Variants in SNX29 observed in about 807,000 individuals in gnomAD.
SNX29 encodes the protein sorting nexin 29, also known as sorting nexin-29.
Under a neutral mutation model 102.1 loss-of-function variants are expected in SNX29, and 78 were observed. The observed-to-expected ratio is 0.76, with a 90% CI of 0.64 to 0.92. SNX29 has a LOEUF of 0.92. SNX29 is among the 40% of genes least tolerant of loss of function. SNX29 has a pLI of 0.00. For synonymous variants in SNX29, 580 were observed against 414.5 expected (o/e 1.40, Z -4.85); for missense variants, 1,280 against 1,061.7 (o/e 1.21, Z -2.86).
intron 18 of SNX29, among the ~76,000 whole-genome samples, chr16:12,471,038 A>G (rs1300692985): frequency 1.3e-5 from 2 of 152,148 alleles, no homozygotes; most frequent in Non-Finnish European, 2.9e-5. Flanking sequence ...CTCCCTCCCT[A>G]TGTAGCTGTG....
intron 3 of SNX29, 124 bp from the exon 4 acceptor site, chr16:12,027,196 C>G (rs1596631320): frequency 4.2e-6 from 5 of 1,189,356 alleles, no homozygotes; most frequent in Middle Eastern, 2.5e-4. Flanking sequence ...ATCCAGGTGT[C>G]TCCTGTCTGC....
intron 18 of SNX29, among the ~76,000 whole-genome samples, chr16:12,472,365 C>A (rs953531785): frequency 1.3e-5 from 2 of 151,878 alleles, no homozygotes; most frequent in African/African-American, 4.8e-5. Flanking sequence ...TACAAAAATA[C>A]AAAAATTAGC....
intron 16 of SNX29, chr16:12,367,286 A>T (rs1465448155): frequency 6.6e-6 from 1 of 152,238 alleles, no homozygotes. Flanking sequence ...GTAATCACTC[A>T]GGGAGCATAT....
intron 14 of SNX29, among the ~76,000 whole-genome samples, chr16:12,202,701 C>A (rs1477216233): frequency 6.6e-6 from 1 of 152,258 alleles, no homozygotes; most frequent in Non-Finnish European, 1.5e-5. Flanking sequence ...CGATCCTCCT[C>A]CTCTCCTTTC....
chr16:12,232,214 A>G (rs1212334271), intron 14 of SNX29, among the ~76,000 whole-genome samples: 1 of 152,194 alleles, frequency 6.6e-6, no homozygotes, highest in African/African-American at 2.4e-5. Flanking sequence ...TTTGTAGGCC[A>G]TGTTAGTAGA....
At position 12,555,527 on chromosome 16, in the gene SNX29, G is replaced by A. The variant is rs542556115; in HGVS notation, c.2319-12979G>A. Reference sequence around the variant, plus strand: ...CAGGGATTGACTGGACAGCGCCCCTGCTCTCTGGGAGGTCATACCGTGGGT... The same window carrying A: ...CAGGGATTGACTGGACAGCGCCCCTACTCTCTGGGAGGTCATACCGTGGGT... On this transcript the variant is annotated intron_variant, in intron 20 of 20. Coordinates refer to ENST00000566228, the MANE Select transcript of SNX29 (RefSeq NM_032167.5). 8.6e-5 allele frequency among the ~76,000 whole-genome samples: 13 copies of A among 151,566 alleles called. No homozygotes were observed. In the South Asian group the frequency reaches 2.3e-3, roughly 27 times the overall value.
chr16:12,171,458 G>A (rs1010677189), intron 13 of SNX29, among the ~76,000 whole-genome samples: 3 of 152,164 alleles, frequency 2.0e-5, no homozygotes, highest in Admixed American at 2.0e-4. Flanking sequence ...AGATTCTCAC[G>A]TTTTGAGCCT....
chr16:12,243,692 TTTAGAAG>T (rs1276315356), intron 14 of SNX29, among the ~76,000 whole-genome samples: 1 of 152,152 alleles, frequency 6.6e-6, no homozygotes, highest in Non-Finnish European at 1.5e-5. Context: ...GGTCCATCCA[TTTAGAAG>T]ACATCAGAGG....
intron 18 of SNX29, chr16:12,443,097 C>T (rs1269244218): frequency 2.0e-5 from 9 of 448,208 alleles, no homozygotes; most frequent in Admixed American, 1.7e-4. Flanking sequence ...CTGGAGGGAA[C>T]AGTGTGTCAG....
chr16:12,570,340 A>T lies in SNX29; in HGVS notation c.*1711A>T. ...GTAAAGGCAACTTGGTCTCCCTCCC[A>T]CTCACCTGCCAACATTGCTGCAATA... On this transcript the variant is annotated 3_prime_UTR_variant, in exon 21 of 21. Transcript: ENST00000566228. 2.8e-6 allele frequency: 2 copies of T among 708,082 alleles called. No individual in the cohort carries two copies. The highest frequency in any genetic ancestry group is 3.6e-6 in the Non-Finnish European group (2 of 552,582). 43.9% of individuals were successfully genotyped at this position (708,082 alleles called of 1,614,324 possible).
rs1555458244 is a variant in SNX29 at position 12,557,023 on chromosome 16, C to CCCCCCT, written c.2319-11481_2319-11480insCCCTCC. ...CCACATCTGGCTAATTTACCCCCCCCCCGCCCCAAGATGAGGTCTTGCTAT... is the reference window on the plus strand; with the variant it reads ...CCACATCTGGCTAATTTACCCCCCCCCCCCCTCCGCCCCAAGATGAGGTCTTGCTAT... On this transcript the variant is annotated intron_variant, in intron 20 of 20. Coordinates refer to ENST00000566228, the MANE Select transcript of SNX29 (RefSeq NM_032167.5). Among the ~76,000 whole-genome samples, 47 of 120,902 alleles carry CCCCCCT rather than the reference C, an allele frequency of 3.9e-4. 2 individuals are homozygous for CCCCCCT. The South Asian group carries it at 3.9e-3, about 10-fold the overall frequency. 79.3% of individuals were successfully genotyped at this position (120,902 alleles called of 152,430 possible). A position where few individuals can be genotyped will look rare whatever the true frequency, so the allele number is the denominator to read the frequency against.
At position 12,524,697 on chromosome 16, in the gene SNX29, C is replaced by T. The variant is rs368293204; in HGVS notation, c.2179-5C>T. 13 of 1,612,562 alleles carry T rather than the reference C, an allele frequency of 8.1e-6. No homozygotes were observed. In the African/African-American group the frequency reaches 1.7e-4, roughly 22 times the overall value. ...CCAAAGCGAAGATGTTTTGTGTTTC[C>T]TCAGGATGCCAAGTTTGTGGAGGAA... On this transcript the variant is annotated splice_polypyrimidine_tract_variant and splice_region_variant and intron_variant, in intron 19 of 20. Transcript: ENST00000566228.
intron 18 of SNX29, among the ~76,000 whole-genome samples, chr16:12,466,333 C>G (rs1283642294): frequency 1.3e-5 from 2 of 152,178 alleles, no homozygotes; most frequent in South Asian, 2.1e-4. Flanking sequence ...AGTCAGCATA[C>G]AGAATCTGGT....
At chr16:12,340,455 C>G (rs577512231) in intron 15 of SNX29, among the ~76,000 whole-genome samples, 2 of 152,298 alleles carry the variant, frequency 1.3e-5, no homozygotes, top group Admixed American at 1.3e-4. Flanking sequence ...TCCCCAGTGT[C>G]TAGACAGTGC....
chr16:12,258,521 G>C (rs2078640848), intron 14 of SNX29, among the ~76,000 whole-genome samples: 1 of 152,080 alleles, frequency 6.6e-6, no homozygotes, highest in Admixed American at 6.6e-5. Context: ...GTTACTCCCG[G>C]AAATTCTCCT....
At chr16:12,358,729 C>G (rs1329261850) in intron 16 of SNX29, among the ~76,000 whole-genome samples, 1 of 152,244 alleles carries the variant, frequency 6.6e-6, no homozygotes, top group East Asian at 1.9e-4. Context: ...TCTCCCCACT[C>G]AGTCTGTTCG....
At chr16:12,090,841 C>A (rs922449900) in intron 11 of SNX29, among the ~76,000 whole-genome samples, 1 of 151,646 alleles carries the variant, frequency 6.6e-6, no homozygotes, top group Non-Finnish European at 1.5e-5. Flanking sequence ...ATGGTGAAAC[C>A]CTGTCTCTAC....
chr16:12,043,102 G>T (rs1317620085), intron 5 of SNX29, 25 bp downstream of exon 5: 1 of 1,610,628 alleles, frequency 6.2e-7, no homozygotes, highest in Non-Finnish European at 8.5e-7. Flanking sequence ...TGCGAACTGG[G>T]ATGGGATGGA....
intron 3 of SNX29, among the ~76,000 whole-genome samples, chr16:12,022,406 G>C (rs1252692761): frequency 1.3e-5 from 2 of 152,060 alleles, no homozygotes; most frequent in Middle Eastern, 6.8e-3. Flanking sequence ...TTGCCATGTT[G>C]GCCAGGTTGG....
Sources: gnomAD v4.1 joint callset for allele counts (sites outside exome capture counted in the v4.1 genomes callset) on GRCh38, gnomAD v4.1.1 for gene constraint, MANE v1.5 for transcripts, NCBI Gene and HGNC (gene_info 2026-07-23, HGNC 2026-07-21) for gene names.